Variants in TMTC2 observed in about 807,000 individuals in gnomAD.
TMTC2 encodes protein O-mannosyl-transferase TMTC2.
A neutral mutation model predicts 82.4 loss-of-function variants in TMTC2; 43 were observed. The observed-to-expected ratio is 0.52, with a 90% confidence interval of 0.41 to 0.67. TMTC2 has a LOEUF of 0.67. Among genes scored for constraint, TMTC2 ranks in the 30% least tolerant of loss-of-function variants. TMTC2 has a pLI of 0.00. For synonymous variants in TMTC2, 408 were observed against 381.9 expected, an observed-to-expected ratio of 1.07 and a Z score of -0.80; for missense variants, 919 against 1,012.4, an observed-to-expected ratio of 0.91 and a Z score of 1.25.
intron 3 of TMTC2, among the ~76,000 whole-genome samples, chr12:82,926,041 G>T (rs1185618792): frequency 6.7e-6 from 1 of 150,336 alleles, no homozygotes; most frequent in Non-Finnish European, 1.5e-5. Flanking sequence ...GAGTGCAGTG[G>T]TGCGATCTCG....
intron 1 of TMTC2, among the ~76,000 whole-genome samples, chr12:82,735,636 C>T (rs1046172950): frequency 2.6e-5 from 4 of 151,400 alleles, no homozygotes; most frequent in East Asian, 2.0e-4. Context: ...TGAGCCACCG[C>T]ACCCAGCCCC....
chr12:82,807,655 G>A (rs1879306410), intron 1 of TMTC2, among the ~76,000 whole-genome samples: 1 of 152,044 alleles, frequency 6.6e-6, no homozygotes, highest in Non-Finnish European at 1.5e-5. Flanking sequence ...AATTGAATGA[G>A]GAAGCATCAT....
At chr12:83,073,438 C>T (rs2137491751) in intron 11 of TMTC2, among the ~76,000 whole-genome samples, 1 of 152,264 alleles carries the variant, frequency 6.6e-6, no homozygotes, top group East Asian at 1.9e-4. Flanking sequence ...CTTTGGATAA[C>T]CTGATGACAA....
At chr12:82,731,028 C>T (rs1272095685) in intron 1 of TMTC2, among the ~76,000 whole-genome samples, 1 of 152,278 alleles carries the variant, frequency 6.6e-6, no homozygotes, top group South Asian at 2.1e-4. Context: ...TTAAATGCAT[C>T]TGTAGCTATG....
intron 1 of TMTC2, among the ~76,000 whole-genome samples, chr12:82,789,765 G>C (rs1342074543): frequency 6.6e-6 from 1 of 152,134 alleles, no homozygotes; most frequent in Non-Finnish European, 1.5e-5. Context: ...GTAAGATCAT[G>C]ATAGGAATAC....
At chr12:83,108,184 A>G (rs1343220194) in intron 11 of TMTC2, among the ~76,000 whole-genome samples, 2 of 152,182 alleles carry the variant, frequency 1.3e-5, no homozygotes, top group African/African-American at 4.8e-5. Flanking sequence ...CTTTATAGCA[A>G]TGGGAGAATG....
intron 11 of TMTC2, among the ~76,000 whole-genome samples, chr12:83,094,242 AT>A (rs2137523714): frequency 6.6e-6 from 1 of 152,330 alleles, no homozygotes; most frequent in South Asian, 2.1e-4. Context: ...GCCAGAGAAG[AT>A]GTCCTAGGAG....
intron 1 of TMTC2, among the ~76,000 whole-genome samples, chr12:82,833,608 A>C (rs373129277): frequency 9.0e-4 from 137 of 152,362 alleles, no homozygotes; most frequent in African/African-American, 3.1e-3. Flanking sequence ...AAGGAAAACA[A>C]AAATCCTAAA....
At chr12:82,904,888 G>A (rs1249012133) in intron 3 of TMTC2, among the ~76,000 whole-genome samples, 2 of 151,458 alleles carry the variant, frequency 1.3e-5, no homozygotes, top group South Asian at 2.1e-4. Context: ...CCACTGCTTG[G>A]TTTTGACTAT....
chr12:82,961,918 A>T (rs1344151155), intron 4 of TMTC2, among the ~76,000 whole-genome samples: 3 of 152,118 alleles, frequency 2.0e-5, no homozygotes, highest in Non-Finnish European at 4.4e-5. Context: ...GCCCATAAGA[A>T]ATCAGTCACA....
chr12:82,944,287 G>A (rs1309766116), intron 4 of TMTC2, among the ~76,000 whole-genome samples: 1 of 152,034 alleles, frequency 6.6e-6, no homozygotes, highest in African/African-American at 2.4e-5. Context: ...GAGATCGATA[G>A]AAAAAATAGA....
intron 1 of TMTC2, among the ~76,000 whole-genome samples, chr12:82,822,348 T>A (rs1430179489): frequency 6.6e-6 from 1 of 152,202 alleles, no homozygotes; most frequent in Non-Finnish European, 1.5e-5. Context: ...TTAACAAATG[T>A]ACCACTATAG....
At chr12:83,049,419 T>A (rs1882263902) in intron 9 of TMTC2, among the ~76,000 whole-genome samples, 1 of 152,104 alleles carries the variant, frequency 6.6e-6, no homozygotes, top group Non-Finnish European at 1.5e-5. Flanking sequence ...TGGTGTTTGG[T>A]TTTCTGTTCC....
intron 11 of TMTC2, among the ~76,000 whole-genome samples, chr12:83,102,264 T>G (rs1884244336): frequency 6.6e-6 from 1 of 152,230 alleles, no homozygotes. Flanking sequence ...ATTTTTTTAG[T>G]CTTTCTATAA....
intron 9 of TMTC2, among the ~76,000 whole-genome samples, chr12:83,040,571 AC>A (rs1253232600): frequency 2.0e-5 from 3 of 148,834 alleles, no homozygotes; most frequent in African/African-American, 7.5e-5. Flanking sequence ...GTAACTCAAA[AC>A]CAAAGAATCA....
chr12:82,932,595 A>G (rs1021931277), intron 4 of TMTC2, among the ~76,000 whole-genome samples: 2 of 152,182 alleles, frequency 1.3e-5, no homozygotes, highest in Admixed American at 6.5e-5. Context: ...TTATTTTATG[A>G]AAAAGAATCT....
intron 7 of TMTC2, among the ~76,000 whole-genome samples, chr12:82,968,247 T>G: frequency 6.6e-6 from 1 of 152,160 alleles, no homozygotes; most frequent in East Asian, 1.9e-4. Context: ...TTGGTATAAT[T>G]ACTAAAAGGT....
chr12:82,872,566 A>G (rs1051084319), intron 2 of TMTC2, among the ~76,000 whole-genome samples: 5 of 152,176 alleles, frequency 3.3e-5, no homozygotes, highest in African/African-American at 1.2e-4. Flanking sequence ...ATTGCTTTAT[A>G]TGGGAAATAA....
chr12:82,833,072 T>C (rs999893583), intron 1 of TMTC2, among the ~76,000 whole-genome samples: 1 of 152,234 alleles, frequency 6.6e-6, no homozygotes, highest in Non-Finnish European at 1.5e-5. Context: ...GTGGAGAGTT[T>C]CTTTCTCCCT....
Sources: allele counts gnomAD v4.1 joint callset (sites outside exome capture counted in the v4.1 genomes callset), GRCh38; gene constraint gnomAD v4.1.1; transcripts MANE v1.5; gene names NCBI Gene and HGNC (gene_info 2026-07-23, HGNC 2026-07-21).